SDK1: variants seen among roughly 807,000 people sequenced by gnomAD.
SDK1 encodes the protein protein sidekick-1.
Under a neutral mutation model 245.5 loss-of-function variants are expected in SDK1, and 157 were observed. The observed-to-expected ratio is 0.64, with a 90% CI of 0.56 to 0.73. SDK1 has a LOEUF of 0.73. SDK1 is among the 30% of genes least tolerant of loss of function. SDK1 has a pLI of 0.00. For missense variants in SDK1, 3,583 were observed against 3,002.3 expected (o/e 1.19, Z -4.52); for synonymous variants, 1,647 against 1,278.5 (o/e 1.29, Z -6.15).
intron 4 of SDK1, among the ~76,000 whole-genome samples, chr7:3,691,994 T>A (rs1044240769): frequency 3.9e-5 from 6 of 152,152 alleles, no homozygotes; most frequent in African/African-American, 1.4e-4. Context: ...TATTTTTGCT[T>A]ACTCATTCAT....
In SDK1 at chr7:3,619,943, T is replaced by C. The variant is rs910368471; in HGVS notation, c.458+704T>C. 2.0e-5 allele frequency among the ~76,000 whole-genome samples: 3 copies of C among 152,180 alleles called. 1 individual carries two copies. Among genetic ancestry groups the C allele is most frequent in the Middle Eastern group, 3.2e-3 (1 of 316 alleles). Reference sequence around the variant, plus strand: ...AGGGTCTTACCACGCTTCAGAGCTTTCCAGGGGTATACTTTTGAGGATGAT... The same window carrying C: ...AGGGTCTTACCACGCTTCAGAGCTTCCCAGGGGTATACTTTTGAGGATGAT... On this transcript the variant is annotated intron_variant, in intron 2 of 44. Coordinates refer to ENST00000404826, the MANE Select transcript of SDK1 (RefSeq NM_152744.4).
chr7:4,178,639 G>T (rs926313825), intron 35 of SDK1, 53 bp downstream of exon 35: 10 of 1,326,830 alleles, frequency 7.5e-6, no homozygotes, highest in Non-Finnish European at 1.1e-5. Flanking sequence ...CAGTGGTGGG[G>T]ACAGCCAGGC....
intron 5 of SDK1, among the ~76,000 whole-genome samples, chr7:3,912,639 C>A (rs571013631): frequency 6.6e-6 from 1 of 152,222 alleles, no homozygotes; most frequent in Non-Finnish European, 1.5e-5. Context: ...CTGGGGCACC[C>A]GCTTCTGGGC....
chr7:3,658,320 C>A (rs554148165), intron 4 of SDK1, among the ~76,000 whole-genome samples: 1 of 152,092 alleles, frequency 6.6e-6, no homozygotes, highest in South Asian at 2.1e-4. Flanking sequence ...GTGACAGCCC[C>A]TAATATCGAG....
At chr7:3,557,237 C>G (rs966822833) in intron 1 of SDK1, among the ~76,000 whole-genome samples, 1 of 152,078 alleles carries the variant, frequency 6.6e-6, no homozygotes, top group South Asian at 2.1e-4. Flanking sequence ...GGACACAAAT[C>G]TGTAATATCA....
intron 19 of SDK1, among the ~76,000 whole-genome samples, chr7:4,057,793 T>C (rs1407142603): frequency 1.3e-5 from 2 of 152,230 alleles, no homozygotes; most frequent in African/African-American, 2.4e-5. Context: ...CAGACACCAC[T>C]GATGCTGTTT....
chr7:4,065,694 GTTTTTTTTTTTTTTTTTTT>G (rs749991713), intron 19 of SDK1, among the ~76,000 whole-genome samples: 66 of 66,776 alleles, frequency 9.9e-4, no homozygotes, highest in Admixed American at 5.4e-3. Flanking sequence ...AGTGGTTGTT[GTTTTTTTTTTTTTTTTTTT>G]TTTTTTTTTT....
chr7:3,575,078 C>A lies in SDK1; in HGVS notation c.299-44002C>A, dbSNP rs527470964. Among the ~76,000 whole-genome samples the A allele has an allele frequency of 2.0e-5, 3 of 152,022 alleles. No individual in the cohort carries two copies. The East Asian group carries it at 5.8e-4, about 29-fold the overall frequency. On this transcript the variant is annotated intron_variant, in intron 1 of 44. Transcript: ENST00000404826. ...TTGCCTCTTACAAGACAGATTCTTA[C>A]GTTGAAGTTGACATCTGCCACCTGA...
chr7:3,311,137 A>G (rs1779540268), intron 1 of SDK1, among the ~76,000 whole-genome samples: 1 of 152,132 alleles, frequency 6.6e-6, no homozygotes, highest in African/African-American at 2.4e-5. Context: ...TATTATACTA[A>G]TATTAGCCTG....
intron 1 of SDK1, among the ~76,000 whole-genome samples, chr7:3,553,758 A>G (rs1779491522): frequency 6.6e-6 from 1 of 152,134 alleles, no homozygotes; most frequent in African/African-American, 2.4e-5. Context: ...CATGCACCTA[A>G]GACCACCTTC....
chr7:3,908,641 C>T (rs1464393858), intron 5 of SDK1, among the ~76,000 whole-genome samples: 1 of 152,160 alleles, frequency 6.6e-6, no homozygotes, highest in Non-Finnish European at 1.5e-5. Flanking sequence ...TCTTCTCACA[C>T]CTAAGCCTAT....
intron 1 of SDK1, among the ~76,000 whole-genome samples, chr7:3,332,845 T>C (rs1381635493): frequency 6.6e-6 from 1 of 152,250 alleles, no homozygotes; most frequent in Non-Finnish European, 1.5e-5. Flanking sequence ...ATTCTCATTA[T>C]GTTAAATTTT....
At chr7:3,464,202 A>C (rs1288704245) in intron 1 of SDK1, among the ~76,000 whole-genome samples, 1 of 152,186 alleles carries the variant, frequency 6.6e-6, no homozygotes, top group Non-Finnish European at 1.5e-5. Flanking sequence ...TTTTGGGGAC[A>C]GAGTAACTTT....
intron 28 of SDK1, among the ~76,000 whole-genome samples, chr7:4,133,396 G>A (rs1298450435): frequency 2.0e-5 from 3 of 152,210 alleles, no homozygotes; most frequent in Admixed American, 6.5e-5. Flanking sequence ...GAATGAATGA[G>A]GTGTGCCTGT....
In SDK1 at chr7:3,782,439, G is replaced by C. The variant is rs11505321; in HGVS notation, c.714-39011G>C. 5.5e-3 allele frequency among the ~76,000 whole-genome samples: 837 copies of C among 152,260 alleles called. 9 individuals are homozygous for C. The highest frequency in any genetic ancestry group is 0.019 in the African/African-American group (805 of 41,552). ...ACCGTGAGATTGAGAGGATAAATGT[G>C]AAATCATATCAACCCAAGTACAGGA... On this transcript the variant is annotated intron_variant, in intron 4 of 44. Coordinates refer to ENST00000404826, the MANE Select transcript of SDK1 (RefSeq NM_152744.4).
intron 20 of SDK1, among the ~76,000 whole-genome samples, chr7:4,075,670 T>G (rs1169208658): frequency 1.3e-5 from 2 of 151,950 alleles, no homozygotes; most frequent in Non-Finnish European, 2.9e-5. Context: ...TTTTTTTTTT[T>G]TTAAGACAAA....
intron 5 of SDK1, among the ~76,000 whole-genome samples, chr7:3,823,050 G>A: frequency 6.6e-6 from 1 of 152,122 alleles, no homozygotes; most frequent in East Asian, 1.9e-4. Context: ...CACAGATTTA[G>A]GATGAGTGGG....
chr7:3,331,202 T>C (rs1365094529), intron 1 of SDK1, among the ~76,000 whole-genome samples: 1 of 152,088 alleles, frequency 6.6e-6, no homozygotes, highest in Non-Finnish European at 1.5e-5. Flanking sequence ...AGGCAGAGAT[T>C]GCAGTGAGCC....
chr7:4,206,128 C>G (rs950335810), intron 36 of SDK1, 134 bp downstream of exon 36: 6 of 630,482 alleles, frequency 9.5e-6, no homozygotes, highest in Non-Finnish European at 1.7e-5. Flanking sequence ...AGCGTCGGAG[C>G]TTGGCTAGAC....
Sources: gnomAD v4.1 joint callset for allele counts (sites outside exome capture counted in the v4.1 genomes callset) on GRCh38, gnomAD v4.1.1 for gene constraint, MANE v1.5 for transcripts, NCBI Gene and HGNC (gene_info 2026-07-23, HGNC 2026-07-21) for gene names.